The following ZNF831 variants were observed in gnomAD, a reference collection of about 807,000 sequenced individuals.
ZNF831 encodes chromosome 20 open reading frame 174.
ZNF831 carries 59 observed loss-of-function variants against 95.8 expected under a neutral mutation model. The observed-to-expected ratio is 0.62, with a 90% confidence interval of 0.50 to 0.77. The LOEUF (loss-of-function observed/expected upper bound fraction) is 0.77, where lower values mean the gene tolerates loss of function less well. Ranked by LOEUF, ZNF831 falls within the 30% of genes least tolerant of loss-of-function variation. The pLI is 0.00. For synonymous variants in ZNF831, 961 were observed against 925.5 expected (o/e 1.04, Z -0.70); for missense variants, 2,205 against 2,164.0 (o/e 1.02, Z -0.38).
intron 4 of ZNF831, among the ~76,000 whole-genome samples, chr20:59,251,694 T>C (rs1390090401): frequency 2.6e-5 from 4 of 152,128 alleles, no homozygotes; most frequent in African/African-American, 4.8e-5. Flanking sequence ...ATCAGAAAGT[T>C]TCAAGGAAAC....
chr20:59,151,726 T>C (rs1421545138), intron 2 of ZNF831, among the ~76,000 whole-genome samples: 4 of 152,186 alleles, frequency 2.6e-5, no homozygotes, highest in Admixed American at 2.6e-4. Flanking sequence ...TTAGCTAAGA[T>C]TGTTTTGTAT....
At chr20:59,237,166 A>C (rs1219014047) in intron 4 of ZNF831, among the ~76,000 whole-genome samples, 3 of 152,196 alleles carry the variant, frequency 2.0e-5, no homozygotes, top group Non-Finnish European at 4.4e-5. Context: ...TTAGGGGGCC[A>C]TTTGGGGAAG....
At chr20:59,131,580 T>A (rs1007460667) in intron 1 of ZNF831, among the ~76,000 whole-genome samples, 1 of 152,200 alleles carries the variant, frequency 6.6e-6, no homozygotes, top group Non-Finnish European at 1.5e-5. Context: ...TCCTTTCCCG[T>A]TTGTCTTCCA....
At chr20:59,141,668 C>G (rs1301720725) in intron 1 of ZNF831, among the ~76,000 whole-genome samples, 1 of 152,150 alleles carries the variant, frequency 6.6e-6, no homozygotes, top group Non-Finnish European at 1.5e-5. Flanking sequence ...CAACTTTATT[C>G]TCCTTTTCAA....
chr20:59,196,984 G>A (rs1244050560), intron 3 of ZNF831, among the ~76,000 whole-genome samples: 2 of 142,370 alleles, frequency 1.4e-5, no homozygotes, highest in Non-Finnish European at 3.0e-5. Context: ...ACGGGGTTTT[G>A]CCATGTTGCC....
At chr20:59,129,295 T>G (rs1167167256) in intron 1 of ZNF831, among the ~76,000 whole-genome samples, 1 of 152,152 alleles carries the variant, frequency 6.6e-6, no homozygotes, top group Non-Finnish European at 1.5e-5. Context: ...TGCCGTTTTA[T>G]CACCTGTGTA....
chr20:59,241,364 A>G (rs1461942242), intron 4 of ZNF831, among the ~76,000 whole-genome samples: 2 of 152,200 alleles, frequency 1.3e-5, no homozygotes, highest in East Asian at 3.9e-4. Flanking sequence ...TTGCTGAAAA[A>G]AAAAAATGCC....
In ZNF831 at chr20:59,192,555, C is replaced by A. The variant is rs2146567630; in HGVS notation, c.1536C>A (p.Gly512=). 1 of 1,524,248 alleles carries A rather than the reference C, an allele frequency of 6.6e-7. No homozygotes were observed. Among genetic ancestry groups the A allele is most frequent in the Admixed American group, 2.2e-5 (1 of 45,620 alleles). 94.4% of individuals were successfully genotyped at this position (1,524,248 alleles called of 1,614,324 possible). The change falls in exon 2 of 6, where the codon GGC becomes GGA. Residue 512 remains glycine, a synonymous_variant. Coordinates refer to ENST00000371030, the MANE Select transcript of ZNF831 (RefSeq NM_178457.3). This position sits in a 1 kb window ranked among gnomAD's most constrained non-coding sequence, Gnocchi z 5.2. The stretch of plus-strand genomic sequence containing the variant: ...GCAACTCGCTGCCCTTCGTCGAGGG[C>A]TCCAGGACGTGGCTGGAGCCCAGGG... ...TRSNSLPFVE[G]SRTWLEPREP...
intron 3 of ZNF831, among the ~76,000 whole-genome samples, chr20:59,205,547 A>T (rs1984833946): frequency 6.6e-6 from 1 of 152,152 alleles, no homozygotes; most frequent in Non-Finnish European, 1.5e-5. Context: ...TGCCAGGAAA[A>T]ACCAGTGCCC....
At chr20:59,189,672 C>T (rs1414622988) in intron 1 of ZNF831, among the ~76,000 whole-genome samples, 7 of 152,128 alleles carry the variant, frequency 4.6e-5, no homozygotes, top group Admixed American at 1.3e-4. Context: ...CCACCATGCC[C>T]GGCTAATTTT....
At chr20:59,166,753 G>A (rs1278673340) in intron 1 of ZNF831, among the ~76,000 whole-genome samples, 1 of 152,176 alleles carries the variant, frequency 6.6e-6, no homozygotes, top group Non-Finnish European at 1.5e-5. Context: ...TGTTTCATGT[G>A]TCAACGGTAT....
At chr20:59,238,735 C>T (rs994451559) in intron 4 of ZNF831, among the ~76,000 whole-genome samples, 1 of 152,194 alleles carries the variant, frequency 6.6e-6, no homozygotes, top group Non-Finnish European at 1.5e-5. Context: ...ATCTTATATA[C>T]AGGGTACATT....
intron 1 of ZNF831, among the ~76,000 whole-genome samples, chr20:59,143,575 G>A (rs1321438719): frequency 1.3e-5 from 2 of 152,192 alleles, no homozygotes; most frequent in African/African-American, 2.4e-5. Flanking sequence ...ACCCACCTGG[G>A]ACTTCTCTGC....
At chr20:59,219,136 T>C (rs1985907753) in intron 4 of ZNF831, among the ~76,000 whole-genome samples, 1 of 152,228 alleles carries the variant, frequency 6.6e-6, no homozygotes, top group Non-Finnish European at 1.5e-5. Context: ...GAAACCATCT[T>C]ACTCATGGCT....
At chr20:59,154,157 G>T (rs259989) in intron 2 of ZNF831, among the ~76,000 whole-genome samples, 10,627 of 152,212 alleles carry the variant, frequency 0.07, 716 homozygotes, top group African/African-American at 0.18. Context: ...GTGTCACAGG[G>T]ACCCTGCTGC....
At chr20:59,248,485 A>G (rs1449767742) in intron 4 of ZNF831, among the ~76,000 whole-genome samples, 2 of 152,240 alleles carry the variant, frequency 1.3e-5, no homozygotes, top group African/African-American at 4.8e-5. Context: ...AAAACAAATT[A>G]GATCAGTGGA....
At chr20:59,179,265 T>C (rs1982420538) in intron 1 of ZNF831, among the ~76,000 whole-genome samples, 1 of 152,204 alleles carries the variant, frequency 6.6e-6, no homozygotes, top group Non-Finnish European at 1.5e-5. Context: ...GGGATAGCCC[T>C]GGTGTTACCC....
intron 2 of ZNF831, among the ~76,000 whole-genome samples, chr20:59,147,296 T>C (rs911545802): frequency 4.6e-5 from 7 of 152,260 alleles, no homozygotes; most frequent in Non-Finnish European, 8.8e-5. Flanking sequence ...GTCACAGGCA[T>C]GTTCCATGCA....
chr20:59,199,071 ATATC>A (rs71183162), intron 3 of ZNF831, among the ~76,000 whole-genome samples: 18,628 of 95,096 alleles, frequency 0.2, 1,913 homozygotes, highest in Non-Finnish European at 0.21. Flanking sequence ...ATCAACTTAC[ATATC>A]TATCTATCTA....
Sources: gnomAD v4.1 joint callset for allele counts (sites outside exome capture counted in the v4.1 genomes callset) on GRCh38, gnomAD v4.1.1 for gene constraint, Gnocchi (gnomAD v3.1) non-coding constraint, MANE v1.5 for transcripts, NCBI Gene and HGNC (gene_info 2026-07-23, HGNC 2026-07-21) for gene names.